The following ZNF385C variants were observed in gnomAD, a reference collection of about 807,000 sequenced individuals.
ZNF385C encodes zinc finger protein 385C.
A neutral mutation model predicts 35.4 loss-of-function variants in ZNF385C; 28 were observed. That is an observed-to-expected ratio of 0.79 (90% CI 0.59 to 1.08). The LOEUF is 1.08. ZNF385C is among the 50% of genes least tolerant of loss of function. ZNF385C has a pLI of 0.00. For synonymous variants in ZNF385C, 248 were observed against 248.2 expected, an observed-to-expected ratio of 1.00 and a Z score of 0.01; for missense variants, 605 against 595.6, an observed-to-expected ratio of 1.02 and a Z score of -0.16.
intron 1 of ZNF385C, among the ~76,000 whole-genome samples, chr17:42,091,496 C>T (rs2053863215): frequency 6.6e-6 from 1 of 152,152 alleles, no homozygotes; most frequent in Non-Finnish European, 1.5e-5. Context: ...TGATTTTTGC[C>T]CTATGCCCAG....
At chr17:42,041,272 G>C (rs2053014592) in intron 2 of ZNF385C, 1 of 1,159,684 alleles carries the variant, frequency 8.6e-7, no homozygotes. Context: ...CGGGGTGGTG[G>C]AAAGAGCCCA....
rs1315609723 is a variant in ZNF385C, at chr17:42,042,805, C to T, written c.251-4920G>A. ...GCTCAGTGTCCTCCCTTCCCAAGCC[C>T]TTCCCCCATACTTCTGGCTGTCACC... is the stretch of plus-strand genomic sequence containing the variant. On this transcript the variant is annotated intron_variant, in intron 2 of 8. Transcript: ENST00000692273. The T allele has an allele frequency of 1.7e-5, 21 of 1,231,668 alleles. No homozygotes were observed. The South Asian group carries it at 7.5e-4, about 44-fold the overall frequency. 76.3% of individuals were successfully genotyped at this position (1,231,668 alleles called of 1,614,324 possible).
At chr17:42,093,985 T>C (rs868944382) in intron 1 of ZNF385C, among the ~76,000 whole-genome samples, 95 of 134,248 alleles carry the variant, frequency 7.1e-4, no homozygotes, top group South Asian at 2.0e-3. Flanking sequence ...CATTATCACC[T>C]TTTTTTTTTT....
chr17:42,049,532 C>T (rs574574099), intron 2 of ZNF385C, among the ~76,000 whole-genome samples: 2 of 152,340 alleles, frequency 1.3e-5, no homozygotes, highest in South Asian at 4.1e-4. Context: ...GGAGCCAGCC[C>T]TTGGGCACCT....
chr17:42,063,597 C>T (rs1270452561), intron 1 of ZNF385C, among the ~76,000 whole-genome samples: 1 of 152,138 alleles, frequency 6.6e-6, no homozygotes, highest in African/African-American at 2.4e-5. Flanking sequence ...GGAAGGGTGT[C>T]CGACATGTCT....
chr17:42,040,313 C>A, intron 2 of ZNF385C: 2 of 1,231,776 alleles, frequency 1.6e-6, no homozygotes, highest in Non-Finnish European at 2.0e-6. Flanking sequence ...AGCAGCTCCA[C>A]GCCGCGGTAG....
chr17:42,042,308 G>C (rs1466750502), intron 2 of ZNF385C, among the ~76,000 whole-genome samples: 8 of 152,158 alleles, frequency 5.3e-5, no homozygotes, highest in Non-Finnish European at 1.2e-4. Context: ...GATCACCTGA[G>C]GTCAGGAGTT....
At chr17:42,071,403 C>T (rs1555658805) in intron 1 of ZNF385C, among the ~76,000 whole-genome samples, 1 of 152,092 alleles carries the variant, frequency 6.6e-6, no homozygotes, top group Admixed American at 6.5e-5. Flanking sequence ...CCCTGGTCTG[C>T]TCTGTCCTCA....
intron 1 of ZNF385C, among the ~76,000 whole-genome samples, chr17:42,074,833 C>T (rs146736524): frequency 5.9e-5 from 9 of 152,344 alleles, no homozygotes; most frequent in Middle Eastern, 3.4e-3. Flanking sequence ...TGGCTGTCCA[C>T]GGAGAATTGC....
chr17:42,084,018 C>A (rs2053779374), intron 1 of ZNF385C, among the ~76,000 whole-genome samples: 1 of 152,052 alleles, frequency 6.6e-6, no homozygotes, highest in Admixed American at 6.5e-5. Context: ...CATACCCAGC[C>A]ACTTTTAAAG....
At chr17:42,086,235 C>T (rs111243477) in intron 1 of ZNF385C, among the ~76,000 whole-genome samples, 3,893 of 148,572 alleles carry the variant, frequency 0.026, 164 homozygotes, top group African/African-American at 0.09. Flanking sequence ...CTACTTAAAA[C>T]ACAAAAATTA....
chr17:42,076,257 C>G (rs1271241681), intron 1 of ZNF385C, among the ~76,000 whole-genome samples: 1 of 152,198 alleles, frequency 6.6e-6, no homozygotes, highest in Admixed American at 6.5e-5. Flanking sequence ...TTCCCATGCC[C>G]TTTCCCACTC....
intron 8 of ZNF385C, 67 bp downstream of exon 8, chr17:42,027,549 ATC>A: frequency 1.9e-5 from 9 of 466,210 alleles, no homozygotes; most frequent in East Asian, 5.4e-5. Context: ...CAGCCCCCCC[ATC>A]TGGCCCTCCC....
At chr17:42,058,638 CAG>C (rs2053416111) in intron 2 of ZNF385C, among the ~76,000 whole-genome samples, 1 of 152,308 alleles carries the variant, frequency 6.6e-6, no homozygotes, top group Non-Finnish European at 1.5e-5. Flanking sequence ...CCCCCCACCT[CAG>C]GGGCAGTTGC....
chr17:42,090,277 CTTTTTTTT>C (rs1162613191), intron 1 of ZNF385C, among the ~76,000 whole-genome samples: 14 of 98,892 alleles, frequency 1.4e-4, no homozygotes, highest in Admixed American at 3.1e-4. Context: ...CTCTTATTCC[CTTTTTTTT>C]TTTTTTTTTT....
chr17:42,067,275 AC>A (rs1272051385), intron 1 of ZNF385C, among the ~76,000 whole-genome samples: 1 of 152,154 alleles, frequency 6.6e-6, no homozygotes, highest in Non-Finnish European at 1.5e-5. Context: ...AGGATCCAGA[AC>A]TGAGACAATA....
At chr17:42,085,882 C>T (rs1305932162) in intron 1 of ZNF385C, among the ~76,000 whole-genome samples, 3 of 152,042 alleles carry the variant, frequency 2.0e-5, no homozygotes, top group Non-Finnish European at 4.4e-5. Flanking sequence ...CAGGCGTGAG[C>T]CACCACGCCC....
At chr17:42,064,073 T>TACACACAC (rs55771386) in intron 1 of ZNF385C, among the ~76,000 whole-genome samples, 14,827 of 129,534 alleles carry the variant, frequency 0.11, 1,213 homozygotes, top group Middle Eastern at 0.16. Flanking sequence ...CACACGCACA[T>TACACACAC]ACACACACAC....
intron 1 of ZNF385C, among the ~76,000 whole-genome samples, chr17:42,090,920 T>A (rs1469583035): frequency 3.9e-5 from 6 of 152,150 alleles, no homozygotes; most frequent in Non-Finnish European, 8.8e-5. Flanking sequence ...CTTGGAACCC[T>A]GTCTTGTTCC....
Sources: gnomAD v4.1 joint callset for allele counts (sites outside exome capture counted in the v4.1 genomes callset) on GRCh38, gnomAD v4.1.1 for gene constraint, MANE v1.5 for transcripts, NCBI Gene and HGNC (gene_info 2026-07-23, HGNC 2026-07-21) for gene names.